The following SMOC1 variants were observed in gnomAD, a reference collection of about 807,000 sequenced individuals.
SMOC1 encodes the protein SPARC related modular calcium binding 1.
Under a neutral mutation model 56.3 loss-of-function variants are expected in SMOC1, and 22 were observed. The observed-to-expected ratio is 0.39, with a 90% CI of 0.28 to 0.56. The LOEUF is 0.56. Among genes scored for constraint, SMOC1 ranks in the 20% least tolerant of loss-of-function variants. The probability of loss-of-function intolerance (pLI) is 0.61; values close to 1 mark genes in which losing one functional copy is unlikely to be tolerated. For synonymous variants in SMOC1, 193 were observed against 215.0 expected, an observed-to-expected ratio of 0.90 and a Z score of 0.89; for missense variants, 509 against 565.4, an observed-to-expected ratio of 0.90 and a Z score of 1.01.
At chr14:69,975,306 G>A (rs984394341) in intron 3 of SMOC1, among the ~76,000 whole-genome samples, 5 of 152,162 alleles carry the variant, frequency 3.3e-5, no homozygotes, top group African/African-American at 1.2e-4. Flanking sequence ...TCATGCCACT[G>A]CACTCCAGCC....
intron 5 of SMOC1, among the ~76,000 whole-genome samples, chr14:69,987,403 A>G (rs1020884094): frequency 1.3e-5 from 2 of 152,168 alleles, no homozygotes; most frequent in African/African-American, 4.8e-5. Context: ...AGAGACCCCA[A>G]GAGATGCCAT....
chr14:69,977,095 A>T (rs561991213), intron 4 of SMOC1, among the ~76,000 whole-genome samples: 2 of 152,238 alleles, frequency 1.3e-5, no homozygotes, highest in African/African-American at 4.8e-5. Context: ...GCCATGCAGG[A>T]TAATATGTTT....
intron 1 of SMOC1, among the ~76,000 whole-genome samples, chr14:69,907,111 G>A (rs2139337772): frequency 6.6e-6 from 1 of 151,830 alleles, no homozygotes; most frequent in South Asian, 2.1e-4. Context: ...AGGTTTAATG[G>A]GTGGTGGAGG....
intron 1 of SMOC1, 28 bp downstream of exon 1, chr14:69,879,805 C>T (rs1481182268): frequency 1.3e-6 from 2 of 1,561,382 alleles, no homozygotes; most frequent in African/African-American, 1.4e-5. Flanking sequence ...TTTGCGCCCA[C>T]CTGCGGAGGG....
chr14:69,891,489 T>C (rs1883959806), intron 1 of SMOC1, among the ~76,000 whole-genome samples: 2 of 152,338 alleles, frequency 1.3e-5, no homozygotes, highest in East Asian at 3.9e-4. Flanking sequence ...AAGCTGAGCA[T>C]GACTTTCCTT....
chr14:69,886,608 C>T (rs534119970), intron 1 of SMOC1, among the ~76,000 whole-genome samples: 2 of 152,312 alleles, frequency 1.3e-5, no homozygotes, highest in South Asian at 2.1e-4. Flanking sequence ...TATAGCTCCT[C>T]CCCAGTCCTT....
intron 7 of SMOC1, among the ~76,000 whole-genome samples, chr14:69,995,764 T>C (rs747003700): frequency 2.0e-5 from 3 of 152,222 alleles, no homozygotes; most frequent in Non-Finnish European, 4.4e-5. Flanking sequence ...ATATATTTAT[T>C]ATTATCATTA....
At chr14:70,027,381 G>A (rs535149441) in intron 11 of SMOC1, among the ~76,000 whole-genome samples, 18 of 152,242 alleles carry the variant, frequency 1.2e-4, no homozygotes, top group African/African-American at 4.3e-4. Flanking sequence ...GGAGTGGCCA[G>A]TGGGGGAGTC....
At chr14:69,967,795 AC>A (rs774276237) in intron 3 of SMOC1, among the ~76,000 whole-genome samples, 37 of 152,330 alleles carry the variant, frequency 2.4e-4, no homozygotes, top group Non-Finnish European at 3.5e-4. Context: ...TGGTATTTAC[AC>A]TGAGGTCTTT....
At chr14:70,026,413 C>A (rs1885927337) in intron 11 of SMOC1, among the ~76,000 whole-genome samples, 1 of 152,208 alleles carries the variant, frequency 6.6e-6, no homozygotes, top group African/African-American at 2.4e-5. Flanking sequence ...TCCTCCTAGC[C>A]TTCCTCTGAA....
intron 3 of SMOC1, among the ~76,000 whole-genome samples, chr14:69,971,517 GT>G (rs1213060795): frequency 6.6e-6 from 1 of 152,224 alleles, no homozygotes; most frequent in Non-Finnish European, 1.5e-5. Flanking sequence ...ACAACCATGA[GT>G]TTTGAGAACT....
chr14:69,917,401 T>G (rs1594800314), intron 1 of SMOC1, among the ~76,000 whole-genome samples: 1 of 152,354 alleles, frequency 6.6e-6, no homozygotes, highest in South Asian at 2.1e-4. Context: ...GAACTTTACT[T>G]GCTTCTAGAA....
chr14:69,915,268 A>G (rs1381000983), intron 1 of SMOC1, among the ~76,000 whole-genome samples: 1 of 152,224 alleles, frequency 6.6e-6, no homozygotes, highest in Non-Finnish European at 1.5e-5. Flanking sequence ...AATGGAAGAT[A>G]GTTTCTTCAG....
chr14:69,949,797 G>A (rs1467919395), intron 1 of SMOC1, among the ~76,000 whole-genome samples: 7 of 152,172 alleles, frequency 4.6e-5, no homozygotes, highest in East Asian at 1.9e-4. Flanking sequence ...AGGGGCCCCC[G>A]GGTCTGATTC....
intron 5 of SMOC1, among the ~76,000 whole-genome samples, chr14:69,980,655 A>G (rs1309947108): frequency 6.6e-6 from 1 of 152,162 alleles, no homozygotes; most frequent in Non-Finnish European, 1.5e-5. Context: ...TTCAGCTGCC[A>G]CTTAAGAATG....
intron 1 of SMOC1, among the ~76,000 whole-genome samples, chr14:69,932,151 C>A (rs544062853): frequency 6.6e-6 from 1 of 152,356 alleles, no homozygotes; most frequent in South Asian, 2.1e-4. Flanking sequence ...GAACACCCTT[C>A]TTCACCACTA....
At chr14:70,026,042 A>G (rs1305631099) in intron 11 of SMOC1, among the ~76,000 whole-genome samples, 5 of 152,190 alleles carry the variant, frequency 3.3e-5, no homozygotes, top group African/African-American at 4.8e-5. Context: ...CTCTCTCTCA[A>G]TTCCTAACCT....
At chr14:69,906,282 C>T (rs1294867344) in intron 1 of SMOC1, among the ~76,000 whole-genome samples, 1 of 152,170 alleles carries the variant, frequency 6.6e-6, no homozygotes, top group Non-Finnish European at 1.5e-5. Flanking sequence ...GAAGATACAG[C>T]TTTTGCTGGT....
intron 5 of SMOC1, among the ~76,000 whole-genome samples, chr14:69,981,078 G>A (rs1235939325): frequency 6.6e-6 from 1 of 152,114 alleles, no homozygotes; most frequent in Non-Finnish European, 1.5e-5. Context: ...AGAGCAGAAG[G>A]AGGCTGGGGG....
Sources: gnomAD v4.1 joint callset for allele counts (sites outside exome capture counted in the v4.1 genomes callset) on GRCh38, gnomAD v4.1.1 for gene constraint, MANE v1.5 for transcripts, NCBI Gene and HGNC (gene_info 2026-07-23, HGNC 2026-07-21) for gene names.